Variants in DAPK3 observed in about 807,000 individuals in gnomAD.
DAPK3 encodes death-associated protein kinase 3.
In DAPK3, 24 loss-of-function variants were observed where a neutral mutation model predicts 30.6. That is an observed-to-expected ratio of 0.78 (90% CI 0.57 to 1.10). The LOEUF (loss-of-function observed/expected upper bound fraction) is 1.10. DAPK3 is among the 50% of genes least tolerant of loss of function. DAPK3 has a pLI of 0.00. For missense variants in DAPK3, 629 were observed against 657.3 expected (o/e 0.96, Z 0.47); for synonymous variants, 341 against 284.0 (o/e 1.20, Z -2.02).
intron 1 of DAPK3, among the ~76,000 whole-genome samples, chr19:3,970,103 C>T (rs975368986): frequency 1.3e-5 from 2 of 152,206 alleles, no homozygotes; most frequent in African/African-American, 4.8e-5. Context: ...TTCCCCGACG[C>T]TGCCTGCGTC....
chr19:3,962,392 G>A (rs967862338), intron 6 of DAPK3, among the ~76,000 whole-genome samples: 1 of 152,220 alleles, frequency 6.6e-6, no homozygotes, highest in East Asian at 1.9e-4. Context: ...CTGGGCCCAC[G>A]CCATTGTTTA....
rs1488926676 is a variant in DAPK3 at position 3,961,015 on chromosome 19, T to C, written c.776A>G (p.Asp259Gly). 6.2e-7 allele frequency: 1 copy of C among 1,613,424 alleles called. No homozygotes were observed. The highest frequency in any genetic ancestry group is 1.7e-5 in the Admixed American group (1 of 59,950). Residue 259 changes from aspartate to glycine, a missense_variant, in exon 7 of 9, where the codon GAT becomes GGT. Coordinates refer to ENST00000545797, the MANE Select transcript of DAPK3 (RefSeq NM_001348.3). ...KDFIRRLLVK[D>G]PKRRMTIAQS... ...CCCTGCCGGCCCCTCGTACTTGGGATCTTTGACGAGCAGCCGGCGAATGAA... is the reference window on the plus strand; with the variant it reads ...CCCTGCCGGCCCCTCGTACTTGGGACCTTTGACGAGCAGCCGGCGAATGAA...
chr19:3,964,196 C>T lies in DAPK3; in HGVS notation c.553+48G>A, dbSNP rs777101500. 2.0e-6 allele frequency: 3 copies of T among 1,533,630 alleles called. No individual in the cohort carries two copies. The Admixed American group carries it at 5.5e-5, about 28-fold the overall frequency. On this transcript the variant is annotated intron_variant, in intron 4 of 8. Transcript: ENST00000545797. Reference sequence around the variant, plus strand: ...CCCACCCCACGCACAGCAGGCAGCCCCAGACCACCCTCCCCAGGCCGGGGC... The same window carrying T: ...CCCACCCCACGCACAGCAGGCAGCCTCAGACCACCCTCCCCAGGCCGGGGC...
Position 3,959,211 on chromosome 19 carries a change from G to C in DAPK3, c.1255C>G (p.Arg419Gly). 1 of 1,600,582 alleles carries C rather than the reference G, an allele frequency of 6.2e-7. No homozygotes were observed. The highest frequency in any genetic ancestry group is 1.3e-5 in the African/African-American group (1 of 74,948). ...LKRRFSRLEN[R>G]YEALAKQVAS... is the part of the protein sequence containing the mutation. ...ACTTGCTTGGCCAGCGCCTCGTAGC[G>C]GTTCTCCAGGCGGCTGAAGCGGCGC... The change falls in exon 9 of 9, where the codon CGC becomes GGC. Residue 419 changes from arginine to glycine, a missense_variant. Around this residue, in one of 2 missense-constraint regions of DAPK3, gnomAD observed 323 missense variants for 278.8 expected, o/e 1.16. Coordinates refer to ENST00000545797, the MANE Select transcript of DAPK3 (RefSeq NM_001348.3).
At chr19:3,960,766 A>C (rs1321578601) in intron 7 of DAPK3, among the ~76,000 whole-genome samples, 1 of 143,062 alleles carries the variant, frequency 7.0e-6, no homozygotes, top group Non-Finnish European at 1.5e-5. Context: ...CCTGGGAGAC[A>C]GAGCAAGACT....
chr19:3,959,471 G>T lies in DAPK3; in HGVS notation c.995C>A (p.Ala332Glu), dbSNP rs372041714. 7.1e-6 allele frequency: 11 copies of T among 1,547,142 alleles called. No homozygotes were observed. Among genetic ancestry groups the T allele is most frequent in the African/African-American group, 1.4e-5 (1 of 73,866 alleles). Residue 332 changes from alanine (A) to glutamate (E), a missense_variant, in exon 9 of 9, where the codon GCG becomes GAG. Ala to Glu is a moderately radical substitution (Grantham distance 107). This residue lies in a region of DAPK3 where 323 missense variants were observed against 278.8 expected (regional missense o/e 1.16). Coordinates refer to ENST00000545797, the MANE Select transcript of DAPK3 (RefSeq NM_001348.3). ...GCGCAGGCCCTCCTCGGCGGCCGCC[G>T]CCTCCTCCAGCACCTTGGAGAAGCG... ...FERFSKVLEE[A>E]AAAEEGLREL...
At position 3,960,102 on chromosome 19, in the gene DAPK3, C is replaced by T. The variant is rs547931912; in HGVS notation, c.785G>A (p.Arg262Gln). ...CAGGCTCTGGGCAATGGTCATTCTC[C>T]GCCTGGAAGACCCCCGCTCTGGTTA... ...IRRLLVKDPK[R>Q]RMTIAQSLEH... Residue 262 changes from arginine (R) to glutamine (Q), a missense_variant and splice_region_variant, in exon 8 of 9, where the codon CGG becomes CAG. Around this residue, in one of 2 missense-constraint regions of DAPK3, gnomAD observed 306 missense variants for 378.5 expected, o/e 0.81. Transcript: ENST00000545797. The T allele has an allele frequency of 4.1e-5, 64 of 1,548,248 alleles. No homozygotes were observed. Among genetic ancestry groups the T allele is most frequent in the East Asian group, 1.6e-4 (7 of 44,500 alleles).
Position 3,958,917 on chromosome 19 carries a change from G to C in DAPK3, c.*184C>G, listed in dbSNP as rs2145326365. 2 of 582,908 alleles carry C rather than the reference G, an allele frequency of 3.4e-6. No homozygotes were observed. Among genetic ancestry groups the C allele is most frequent in the Non-Finnish European group, 6.1e-6 (2 of 329,614 alleles). The allele number at this position is 582,908 out of a possible 1,614,324, so 36.1% of individuals were successfully genotyped here. On this transcript the variant is annotated 3_prime_UTR_variant, in exon 9 of 9. Coordinates refer to ENST00000545797, the MANE Select transcript of DAPK3 (RefSeq NM_001348.3). ...GGAGGCTGTGTAGAGAAGCAGCCCCGTCCCACACCCACCCCTGCCTGCGAA... is the reference window on the plus strand; with the variant it reads ...GGAGGCTGTGTAGAGAAGCAGCCCCCTCCCACACCCACCCCTGCCTGCGAA...
rs757987224 is a variant in DAPK3, at chr19:3,961,053, C to T, written c.738G>A (p.Glu246=). The part of the protein sequence containing the change: ...FDEEYFSNTS[E]LAKDFIRRLL... ...GCCGGCGAATGAAGTCCTTGGCCAG[C>T]TCGCTGGTGTTGCTGAAGTACTCCT... Residue 246 remains glutamate, a synonymous_variant, in exon 7 of 9, where the codon GAG becomes GAA. Transcript: ENST00000545797. 1.5e-5 allele frequency: 24 copies of T among 1,613,826 alleles called. No homozygotes were observed. The highest frequency in any genetic ancestry group is 1.9e-5 in the Non-Finnish European group (23 of 1,179,966).
intron 5 of DAPK3, 48 bp from the exon 6 acceptor site, chr19:3,963,717 C>A: frequency 6.8e-7 from 1 of 1,481,364 alleles, no homozygotes; most frequent in Non-Finnish European, 9.1e-7. Context: ...GGGCCGCCCA[C>A]CCTCCCAGGA....
intron 6 of DAPK3, among the ~76,000 whole-genome samples, chr19:3,962,602 A>G (rs2039529387): frequency 6.6e-6 from 1 of 152,028 alleles, no homozygotes; most frequent in Non-Finnish European, 1.5e-5. Flanking sequence ...ATGGTGAAAC[A>G]TCGTCTCTAC....
At chr19:3,964,112 G>C in intron 4 of DAPK3, 132 bp downstream of exon 4, 1 of 918,250 alleles carries the variant, frequency 1.1e-6, no homozygotes, top group Non-Finnish European at 1.7e-6. Flanking sequence ...CTCCCGCAAA[G>C]CCGGGCCCAA....
chr19:3,968,625 C>T (rs907550999), intron 2 of DAPK3, among the ~76,000 whole-genome samples: 4 of 152,138 alleles, frequency 2.6e-5, no homozygotes, highest in Admixed American at 6.6e-5. Flanking sequence ...ATTTTGCTGA[C>T]TTTTGCCAAA....
intron 2 of DAPK3, among the ~76,000 whole-genome samples, chr19:3,966,796 C>A (rs1243226332): frequency 6.6e-6 from 1 of 152,222 alleles, no homozygotes. Flanking sequence ...GCCACTGAGT[C>A]CTCCTACAGC....
At position 3,959,123 on chromosome 19, in the gene DAPK3, C is replaced by T. The variant is rs1312001964; in HGVS notation, c.1343G>A (p.Gly448Asp). Residue 448 changes from glycine (G) to aspartate (D), a missense_variant, in exon 9 of 9, where the codon GGC becomes GAC. Physicochemically the swap from Gly to Asp is moderately conservative, Grantham distance 94. This residue lies in a region of DAPK3 where 323 missense variants were observed against 278.8 expected (regional missense o/e 1.16). Transcript: ENST00000545797. ...VRALEQEKLQ[G>D]VECGLR Reference sequence around the variant, plus strand: ...CGCCTAGCGCAGCCCGCACTCCACGCCCTGCAGCTTCTCCTGCTCCAGGGC... The same window carrying T: ...CGCCTAGCGCAGCCCGCACTCCACGTCCTGCAGCTTCTCCTGCTCCAGGGC... 1.9e-6 allele frequency: 3 copies of T among 1,568,762 alleles called. No individual in the cohort carries two copies. Among genetic ancestry groups the T allele is most frequent in the Admixed American group, 1.7e-5 (1 of 57,172 alleles).
At chr19:3,963,993 G>T in intron 4 of DAPK3, 74 bp from the exon 5 acceptor site, 1 of 1,023,072 alleles carries the variant, frequency 9.8e-7, no homozygotes, top group East Asian at 2.5e-5. Flanking sequence ...CACAGGCATG[G>T]GGTCAAGGTT....
chr19:3,967,377 TG>T (rs1447576352), intron 2 of DAPK3, among the ~76,000 whole-genome samples: 1 of 151,864 alleles, frequency 6.6e-6, no homozygotes, highest in African/African-American at 2.4e-5. Context: ...CGCTTGAACC[TG>T]GGAGACGGAG....
intron 8 of DAPK3, 97 bp from the exon 9 acceptor site, chr19:3,959,734 G>C (rs1043088138): frequency 1.9e-5 from 26 of 1,342,766 alleles, no homozygotes; most frequent in Middle Eastern, 5.2e-4. Context: ...GGGCTCATCC[G>C]GCAGCAGAGT....
rs1273940291 is a variant in DAPK3 at position 3,958,535 on chromosome 19, G to C, written c.*566C>G. 1 of 456,692 alleles carries C rather than the reference G, an allele frequency of 2.2e-6. No individual in the cohort carries two copies. The highest frequency in any genetic ancestry group is 2.0e-5 in the African/African-American group (1 of 50,080). The allele number at this position is 456,692 out of a possible 1,614,324, so 28.3% of individuals were successfully genotyped here. A position where few individuals can be genotyped will look rare whatever the true frequency, so the allele number is the denominator to read the frequency against. ...GTCCACAGGCGCGACGATGGGGCTC[G>C]CGGAGGAGTCCGCAGCAGGGCACCC... On this transcript the variant is annotated 3_prime_UTR_variant, in exon 9 of 9. Transcript: ENST00000545797.
Sources: allele counts gnomAD v4.1 joint callset (sites outside exome capture counted in the v4.1 genomes callset), GRCh38; gene constraint gnomAD v4.1.1; regional missense constraint gnomAD v4.1.1; transcripts MANE v1.5; gene names NCBI Gene and HGNC (gene_info 2026-07-23, HGNC 2026-07-21).